The following CTNNA2 variants were observed in gnomAD, a reference collection of about 807,000 sequenced individuals.
The protein encoded by CTNNA2 is catenin alpha-2.
In CTNNA2, 42 loss-of-function variants were observed where a neutral mutation model predicts 101.0. That is an observed-to-expected ratio of 0.42 (90% CI 0.32 to 0.54). The LOEUF (loss-of-function observed/expected upper bound fraction) is 0.54, where lower values mean the gene tolerates loss of function less well. Ranked by LOEUF, CTNNA2 falls within the 20% of genes least tolerant of loss-of-function variation. The pLI is 0.14. For missense variants in CTNNA2, 871 were observed against 1,223.1 expected (o/e 0.71, Z 4.29); for synonymous variants, 450 against 456.4 (o/e 0.99, Z 0.18).
At position 80,245,451 on chromosome 2, in the gene CTNNA2, A is replaced by G. The variant is rs58336164; in HGVS notation, c.1057-147760A>G. On this transcript the variant is annotated intron_variant, in intron 7 of 18. Coordinates refer to ENST00000402739, the MANE Select transcript of CTNNA2 (RefSeq NM_001282597.3). ...TATTTTAACCAGGGGGTGAATATTTAGATCACATTCACAACGAGTCTTTAT... is the reference window on the plus strand; with the variant it reads ...TATTTTAACCAGGGGGTGAATATTTGGATCACATTCACAACGAGTCTTTAT... Among the ~76,000 whole-genome samples, 194 of 152,358 alleles carry G rather than the reference A, an allele frequency of 1.3e-3. 1 individual carries two copies. The East Asian group carries it at 0.014, about 11-fold the overall frequency.
chr2:79,920,242 GT>G (rs1198702131), intron 7 of CTNNA2, among the ~76,000 whole-genome samples: 1 of 152,058 alleles, frequency 6.6e-6, no homozygotes, highest in African/African-American at 2.4e-5. Flanking sequence ...AAAAACAAGT[GT>G]TCTTTCATAA....
At chr2:80,565,930 C>A (rs540137831) in intron 12 of CTNNA2, among the ~76,000 whole-genome samples, 10 of 152,020 alleles carry the variant, frequency 6.6e-5, no homozygotes, top group African/African-American at 2.2e-4. Context: ...GGTTTAATAA[C>A]GTGTAAAATT....
At chr2:80,214,792 T>A (rs2149042882) in intron 7 of CTNNA2, among the ~76,000 whole-genome samples, 1 of 152,326 alleles carries the variant, frequency 6.6e-6, no homozygotes, top group East Asian at 1.9e-4. Flanking sequence ...TTCCTGAATT[T>A]GAATGTTGGC....
intron 8 of CTNNA2, among the ~76,000 whole-genome samples, chr2:80,394,796 G>T (rs1677848680): frequency 1.3e-5 from 2 of 151,826 alleles, no homozygotes; most frequent in African/African-American, 2.4e-5. Flanking sequence ...AAGATTGTGT[G>T]AGTCTAAGGG....
intron 2 of CTNNA2, among the ~76,000 whole-genome samples, chr2:79,275,693 T>C (rs1042256298): frequency 5.9e-5 from 9 of 152,110 alleles, no homozygotes; most frequent in African/African-American, 2.2e-4. Context: ...TCATTTGTTG[T>C]TTAGCCTATG....
chr2:79,218,429 T>C (rs1674297904), intron 2 of CTNNA2, among the ~76,000 whole-genome samples: 1 of 150,870 alleles, frequency 6.6e-6, no homozygotes, highest in South Asian at 2.1e-4. Context: ...GCAGTCCTCC[T>C]GCCTCAGCCT....
At chr2:79,293,205 A>C (rs1675873880) in intron 2 of CTNNA2, 1 of 152,182 alleles carries the variant, frequency 6.6e-6, no homozygotes, top group Admixed American at 6.5e-5. Context: ...CGATGACATC[A>C]ATGGTTTTGC....
At chr2:79,385,376 G>C (rs915304395) in intron 4 of CTNNA2, among the ~76,000 whole-genome samples, 1 of 152,012 alleles carries the variant, frequency 6.6e-6, no homozygotes, top group Non-Finnish European at 1.5e-5. Context: ...CTATATTCCA[G>C]CAACAGTAGA....
At chr2:79,612,892 G>A (rs1334908102) in intron 1 of CTNNA2, among the ~76,000 whole-genome samples, 1 of 152,090 alleles carries the variant, frequency 6.6e-6, no homozygotes, top group Non-Finnish European at 1.5e-5. Context: ...AAGGAAGCCT[G>A]ACATTAGATT....
chr2:79,863,939 G>A (rs976528368), intron 4 of CTNNA2, among the ~76,000 whole-genome samples: 2 of 152,180 alleles, frequency 1.3e-5, no homozygotes, highest in African/African-American at 2.4e-5. Context: ...GGGGCATACT[G>A]AGGGAAGCTG....
chr2:80,640,971 G>A (rs548552923), intron 18 of CTNNA2, among the ~76,000 whole-genome samples: 10 of 152,152 alleles, frequency 6.6e-5, no homozygotes, highest in East Asian at 3.9e-4. Flanking sequence ...CCTTAAAATC[G>A]TTCTTGTTCT....
intron 4 of CTNNA2, among the ~76,000 whole-genome samples, chr2:79,864,202 G>C (rs1340107696): frequency 1.3e-5 from 2 of 152,168 alleles, no homozygotes; most frequent in East Asian, 3.9e-4. Flanking sequence ...AAGGAAAATA[G>C]GGTTCTATTA....
chr2:80,350,457 T>C (rs962139136), intron 7 of CTNNA2, among the ~76,000 whole-genome samples: 2 of 152,184 alleles, frequency 1.3e-5, no homozygotes. Flanking sequence ...GACATGTCAG[T>C]GTTAAAGATC....
chr2:80,194,051 G>A (rs997162223), intron 7 of CTNNA2, among the ~76,000 whole-genome samples: 7 of 152,006 alleles, frequency 4.6e-5, no homozygotes, highest in East Asian at 1.9e-4. Context: ...ATGCAGCTTG[G>A]CATTTAAATT....
At chr2:80,444,553 T>C (rs1476316815) in intron 9 of CTNNA2, among the ~76,000 whole-genome samples, 1 of 152,160 alleles carries the variant, frequency 6.6e-6, no homozygotes, top group Non-Finnish European at 1.5e-5. Flanking sequence ...TAGGGCTGAA[T>C]TGTACCCCGC....
chr2:80,186,439 CA>C (rs1376931451), intron 7 of CTNNA2, among the ~76,000 whole-genome samples: 3 of 152,166 alleles, frequency 2.0e-5, no homozygotes, highest in Non-Finnish European at 4.4e-5. Context: ...CTCCCCAGTA[CA>C]GCAGAGTTCA....
At chr2:80,445,690 G>C (rs2149448347) in intron 9 of CTNNA2, among the ~76,000 whole-genome samples, 1 of 152,296 alleles carries the variant, frequency 6.6e-6, no homozygotes, top group Middle Eastern at 3.4e-3. Context: ...TTCTGACACA[G>C]TCTAGGGACC....
chr2:80,146,384 C>A (rs1703334787), intron 7 of CTNNA2, among the ~76,000 whole-genome samples: 1 of 152,130 alleles, frequency 6.6e-6, no homozygotes. Flanking sequence ...ACAGTTACTT[C>A]TCAAAATTTC....
At chr2:79,230,426 C>T (rs1674474801) in intron 2 of CTNNA2, among the ~76,000 whole-genome samples, 1 of 152,220 alleles carries the variant, frequency 6.6e-6, no homozygotes, top group African/African-American at 2.4e-5. Context: ...GGCATTGAGC[C>T]TGTGGGTACA....
Sources: allele counts gnomAD v4.1 joint callset (sites outside exome capture counted in the v4.1 genomes callset), GRCh38; gene constraint gnomAD v4.1.1; transcripts MANE v1.5; gene names NCBI Gene and HGNC (gene_info 2026-07-23, HGNC 2026-07-21).